The following SGCZ variants were observed in gnomAD, a reference collection of about 807,000 sequenced individuals.
The protein encoded by SGCZ is zeta-sarcoglycan.
SGCZ carries 40 observed loss-of-function variants against 41.3 expected under a neutral mutation model. The ratio of observed to expected loss-of-function variants is 0.97; its 90% CI spans 0.75 to 1.26. The LOEUF (loss-of-function observed/expected upper bound fraction) is 1.26, where lower values mean the gene tolerates loss of function less well. SGCZ is among the 50% of genes most tolerant of loss of function. SGCZ has a pLI of 0.00. For synonymous variants in SGCZ, 206 were observed against 137.5 expected, an observed-to-expected ratio of 1.50 and a Z score of -3.49; for missense variants, 552 against 369.8, an observed-to-expected ratio of 1.49 and a Z score of -4.04.
intron 1 of SGCZ, among the ~76,000 whole-genome samples, chr8:14,974,805 C>T (rs1374250047): frequency 1.3e-5 from 2 of 148,564 alleles, no homozygotes; most frequent in African/African-American, 5.0e-5. Flanking sequence ...AACAAAATTA[C>T]TTTTGGCAAA....
intron 1 of SGCZ, among the ~76,000 whole-genome samples, chr8:14,674,028 C>A (rs1451272928): frequency 6.6e-6 from 1 of 152,004 alleles, no homozygotes; most frequent in Non-Finnish European, 1.5e-5. Context: ...AAGATAAATA[C>A]TAATTTGGAG....
chr8:14,578,337 T>G (rs1190659061), intron 1 of SGCZ, among the ~76,000 whole-genome samples: 11 of 152,180 alleles, frequency 7.2e-5, no homozygotes, highest in African/African-American at 1.2e-4. Context: ...AGTATTCTGG[T>G]GCCCACCAGT....
At chr8:14,909,998 A>G (rs1223385148) in intron 1 of SGCZ, among the ~76,000 whole-genome samples, 1 of 152,226 alleles carries the variant, frequency 6.6e-6, no homozygotes, top group East Asian at 1.9e-4. Flanking sequence ...CTCCATTTTT[A>G]ATGCATTGGC....
intron 2 of SGCZ, among the ~76,000 whole-genome samples, chr8:14,392,263 T>C (rs1804805117): frequency 6.6e-6 from 1 of 152,204 alleles, no homozygotes; most frequent in African/African-American, 2.4e-5. Context: ...ACTCAAAGTT[T>C]ACTGCTGAAA....
At chr8:14,247,061 T>C (rs4332133) in intron 3 of SGCZ, among the ~76,000 whole-genome samples, 101,670 of 152,098 alleles carry the variant, frequency 0.67, 34,393 homozygotes, top group South Asian at 0.78. Context: ...CTGACTTCCT[T>C]GAATTCTGCA....
chr8:14,471,659 T>C (rs1483846409), intron 2 of SGCZ, among the ~76,000 whole-genome samples: 1 of 152,052 alleles, frequency 6.6e-6, no homozygotes, highest in African/African-American at 2.4e-5. Flanking sequence ...ATCAGCTACA[T>C]AAAGCTGAAA....
chr8:14,375,720 C>A (rs191984244), intron 2 of SGCZ, among the ~76,000 whole-genome samples: 1 of 152,020 alleles, frequency 6.6e-6, no homozygotes, highest in African/African-American at 2.4e-5. Context: ...ATTTAAAGCA[C>A]TGAGCAAAAT....
chr8:14,414,725 T>G (rs1330847874), intron 2 of SGCZ, among the ~76,000 whole-genome samples: 2 of 151,968 alleles, frequency 1.3e-5, no homozygotes, highest in African/African-American at 4.8e-5. Context: ...TGTGATACCT[T>G]AAGGCTCTTT....
In SGCZ at chr8:14,090,397, G is replaced by C. The variant is rs201217147; in HGVS notation, c.*46C>G. 1.3e-6 allele frequency: 2 copies of C among 1,575,778 alleles called. No individual in the cohort carries two copies. Among genetic ancestry groups the C allele is most frequent in the Admixed American group, 3.5e-5 (2 of 56,452 alleles). On this transcript the variant is annotated 3_prime_UTR_variant, in exon 8 of 8. Transcript: ENST00000382080. ...AACCGAGCAGAACTGTGAAGCAGAC[G>C]GACAGGAACAAAAGGCTATTCTGGT...
intron 1 of SGCZ, among the ~76,000 whole-genome samples, chr8:14,874,406 T>C (rs1804272364): frequency 6.6e-6 from 1 of 152,154 alleles, no homozygotes; most frequent in African/African-American, 2.4e-5. Context: ...TTGTAGATTA[T>C]TTTTAATTTT....
At chr8:14,624,555 A>ATTTTTT (rs750064815) in intron 1 of SGCZ, among the ~76,000 whole-genome samples, 3 of 96,268 alleles carry the variant, frequency 3.1e-5, no homozygotes, top group African/African-American at 1.2e-4. Context: ...TATTATTATT[A>ATTTTTT]TTTTTTTTTT....
intron 2 of SGCZ, among the ~76,000 whole-genome samples, chr8:14,456,852 C>T (rs1351023876): frequency 6.6e-6 from 1 of 152,134 alleles, no homozygotes; most frequent in Admixed American, 6.5e-5. Context: ...ACTGAGTTCT[C>T]ATAAGATCTG....
intron 1 of SGCZ, among the ~76,000 whole-genome samples, chr8:14,641,232 C>T (rs1227807766): frequency 2.6e-5 from 4 of 151,614 alleles, no homozygotes; most frequent in Non-Finnish European, 5.9e-5. Flanking sequence ...TCTATTACAG[C>T]TTTACTTCAA....
intron 1 of SGCZ, among the ~76,000 whole-genome samples, chr8:14,564,210 T>C (rs963102251): frequency 3.9e-5 from 6 of 152,216 alleles, no homozygotes; most frequent in African/African-American, 1.4e-4. Context: ...CTTGTGACCA[T>C]GCAAATTTAA....
intron 2 of SGCZ, among the ~76,000 whole-genome samples, chr8:14,524,040 T>C (rs1344716040): frequency 2.0e-5 from 3 of 152,164 alleles, no homozygotes; most frequent in Admixed American, 6.6e-5. Context: ...ACTTCTTTTA[T>C]TACATTTTTG....
At chr8:14,430,945 C>G (rs35716509) in intron 2 of SGCZ, among the ~76,000 whole-genome samples, 46 of 152,004 alleles carry the variant, frequency 3.0e-4, no homozygotes, top group African/African-American at 1.1e-3. Flanking sequence ...CCCTTTACAA[C>G]AGCTGCAAAA....
intron 1 of SGCZ, chr8:14,690,478 A>G (rs1808763687): frequency 1.3e-5 from 2 of 152,158 alleles, no homozygotes; most frequent in Non-Finnish European, 2.9e-5. Context: ...CATTGCAACC[A>G]AGTGGCGTGG....
At chr8:15,130,179 T>C (rs753669744) in intron 1 of SGCZ, among the ~76,000 whole-genome samples, 6 of 152,180 alleles carry the variant, frequency 3.9e-5, no homozygotes, top group Non-Finnish European at 8.8e-5. Flanking sequence ...ACTCTGTTCT[T>C]GCTGCTCCTA....
intron 1 of SGCZ, among the ~76,000 whole-genome samples, chr8:14,649,980 G>T (rs1807344550): frequency 6.6e-6 from 1 of 152,046 alleles, no homozygotes; most frequent in African/African-American, 2.4e-5. Flanking sequence ...ATCTGTCAGA[G>T]ATCAGAAGGA....
Sources: gnomAD v4.1 joint callset for allele counts (sites outside exome capture counted in the v4.1 genomes callset) on GRCh38, gnomAD v4.1.1 for gene constraint, MANE v1.5 for transcripts, NCBI Gene and HGNC (gene_info 2026-07-23, HGNC 2026-07-21) for gene names.